Variants in MAML2 observed in about 807,000 individuals in gnomAD.
MAML2 encodes the protein mastermind like transcriptional coactivator 2, also known as mastermind-like protein 2.
A neutral mutation model predicts 96.1 loss-of-function variants in MAML2; 22 were observed. That is an observed-to-expected ratio of 0.23 (90% confidence interval 0.16 to 0.33). MAML2 has a LOEUF of 0.33. MAML2 is among the 10% of genes least tolerant of loss of function. The pLI is 1.00. For missense variants in MAML2, 1,367 were observed against 1,392.4 expected (o/e 0.98, Z 0.29); for synonymous variants, 561 against 521.3 (o/e 1.08, Z -1.04).
At chr11:96,249,513 T>C (rs1337532117) in intron 1 of MAML2, among the ~76,000 whole-genome samples, 1 of 152,112 alleles carries the variant, frequency 6.6e-6, no homozygotes, top group Non-Finnish European at 1.5e-5. Context: ...TCGCCTCTTC[T>C]TTCCTCAGTA....
chr11:96,196,396 C>T (rs911446476), intron 1 of MAML2, among the ~76,000 whole-genome samples: 2 of 152,214 alleles, frequency 1.3e-5, no homozygotes, highest in African/African-American at 4.8e-5. Flanking sequence ...GAACATAAAA[C>T]CCCTCCTCTT....
At chr11:96,075,889 G>A (rs879111579) in intron 2 of MAML2, among the ~76,000 whole-genome samples, 1 of 152,146 alleles carries the variant, frequency 6.6e-6, no homozygotes, top group African/African-American at 2.4e-5. Context: ...CTTGCATATT[G>A]ATTGTATGCT....
chr11:96,332,499 T>C (rs1863867084), intron 1 of MAML2, among the ~76,000 whole-genome samples: 2 of 152,336 alleles, frequency 1.3e-5, no homozygotes, highest in Admixed American at 1.3e-4. Flanking sequence ...TTTGGTGCAA[T>C]GGCTCTAGGA....
chr11:96,112,524 G>C (rs901287129), intron 1 of MAML2, among the ~76,000 whole-genome samples: 1 of 152,256 alleles, frequency 6.6e-6, no homozygotes. Flanking sequence ...TTACACAAAT[G>C]TCACCAGGAG....
Position 96,342,043 on chromosome 11 carries a change from T to G in MAML2, c.-148A>C. 1.4e-5 allele frequency: 10 copies of G among 690,794 alleles called. No homozygotes were observed. The highest frequency in any genetic ancestry group is 3.4e-5 in the Admixed American group (1 of 29,334). The allele number at this position is 690,794 out of a possible 1,614,324, so 42.8% of individuals were successfully genotyped here. ...GTCTTCAGAGGTTGTGGGGGAGCCG[T>G]GGAGAAGTTGTGGGGGAGGGGAGTT... is the stretch of plus-strand genomic sequence containing the variant. On this transcript the variant is annotated 5_prime_UTR_variant, in exon 1 of 5. Transcript: ENST00000524717.
At chr11:95,991,295 GT>G (rs1331519509) in intron 3 of MAML2, among the ~76,000 whole-genome samples, 1 of 152,084 alleles carries the variant, frequency 6.6e-6, no homozygotes. Flanking sequence ...GGCAGGGCTG[GT>G]TAGCAGAGGT....
chr11:96,133,890 A>T (rs957015157), intron 1 of MAML2, among the ~76,000 whole-genome samples: 1 of 152,130 alleles, frequency 6.6e-6, no homozygotes, highest in Admixed American at 6.5e-5. Context: ...GCTACTCAAG[A>T]GGCTGAGGTG....
intron 1 of MAML2, among the ~76,000 whole-genome samples, chr11:96,294,322 A>G (rs1451446308): frequency 6.6e-6 from 1 of 152,194 alleles, no homozygotes; most frequent in African/African-American, 2.4e-5. Flanking sequence ...CATTGTAAAA[A>G]AAAAAAAAAT....
At position 96,130,325 on chromosome 11, in the gene MAML2, G is replaced by A. The variant is rs374910574; in HGVS notation, c.514-36808C>T. ...CATTTTTCTAGTGAAATCATAACAT[G>A]GTTCAGAAACTCAAGAAGGATATGT... On this transcript the variant is annotated intron_variant, in intron 1 of 4. Transcript: ENST00000524717. Among the ~76,000 whole-genome samples the A allele has an allele frequency of 2.6e-5, 4 of 152,210 alleles. No homozygotes were observed. In the South Asian group the frequency reaches 6.2e-4, roughly 24 times the overall value.
In MAML2 at chr11:95,978,616, C is replaced by G. The variant is rs1041067040; in HGVS notation, c.*332G>C. The G allele has an allele frequency of 7.1e-6, 2 of 281,580 alleles. No homozygotes were observed. Among genetic ancestry groups the G allele is most frequent in the African/African-American group, 4.3e-5 (2 of 46,172 alleles). 17.4% of individuals were successfully genotyped at this position (281,580 alleles called of 1,614,324 possible). On this transcript the variant is annotated 3_prime_UTR_variant, in exon 5 of 5. Coordinates refer to ENST00000524717, the MANE Select transcript of MAML2 (RefSeq NM_032427.4). Reference sequence around the variant, plus strand: ...TTAAATAAACTACAAGTTCTATTACCTTTTTTATTTTCCAGGGAAAAAGAA... The same window carrying G: ...TTAAATAAACTACAAGTTCTATTACGTTTTTTATTTTCCAGGGAAAAAGAA...
chr11:96,239,430 C>T (rs1862403899), intron 1 of MAML2, among the ~76,000 whole-genome samples: 2 of 152,128 alleles, frequency 1.3e-5, no homozygotes, highest in Non-Finnish European at 2.9e-5. Context: ...CTATTTTCGT[C>T]AATTTCAGAG....
chr11:96,058,544 C>T (rs1044048309), intron 2 of MAML2, among the ~76,000 whole-genome samples: 2 of 152,242 alleles, frequency 1.3e-5, no homozygotes, highest in African/African-American at 4.8e-5. Context: ...TGGTCTCGAA[C>T]TCCTGACCTC....
At chr11:96,239,902 G>A (rs1473031514) in intron 1 of MAML2, among the ~76,000 whole-genome samples, 1 of 152,212 alleles carries the variant, frequency 6.6e-6, no homozygotes, top group Non-Finnish European at 1.5e-5. Flanking sequence ...TAACATTTCT[G>A]AGCTGGACTA....
intron 1 of MAML2, among the ~76,000 whole-genome samples, chr11:96,298,201 C>A (rs1325814560): frequency 6.6e-6 from 1 of 152,196 alleles, no homozygotes; most frequent in Non-Finnish European, 1.5e-5. Flanking sequence ...TTGCAGCTAT[C>A]CACGGTAAGG....
Position 96,342,110 on chromosome 11 carries a change from G to A in MAML2, c.-215C>T, listed in dbSNP as rs1864005717. On this transcript the variant is annotated 5_prime_UTR_variant, in exon 1 of 5. Transcript: ENST00000524717. Reference sequence around the variant, plus strand: ...GGAGAAAGAATAGAAACCAACTGGGGGGAGGATAAGTTGGAAACAAACCCT... The same window carrying A: ...GGAGAAAGAATAGAAACCAACTGGGAGGAGGATAAGTTGGAAACAAACCCT... 1.8e-6 allele frequency: 1 copy of A among 552,500 alleles called. No individual in the cohort carries two copies. 34.2% of individuals were successfully genotyped at this position (552,500 alleles called of 1,614,324 possible). A position where few individuals can be genotyped will look rare whatever the true frequency, so the allele number is the denominator to read the frequency against.
At chr11:96,080,045 A>G (rs1454735238) in intron 2 of MAML2, among the ~76,000 whole-genome samples, 1 of 152,218 alleles carries the variant, frequency 6.6e-6, no homozygotes, top group African/African-American at 2.4e-5. Context: ...AGTTAGGTAT[A>G]TGACCCCTGG....
At chr11:96,332,058 G>C (rs1863861511) in intron 1 of MAML2, among the ~76,000 whole-genome samples, 1 of 152,160 alleles carries the variant, frequency 6.6e-6, no homozygotes, top group Non-Finnish European at 1.5e-5. Flanking sequence ...GGGAGGCAGT[G>C]AGCAATCAGA....
At chr11:96,156,120 C>T (rs1442487731) in intron 1 of MAML2, among the ~76,000 whole-genome samples, 1 of 152,186 alleles carries the variant, frequency 6.6e-6, no homozygotes, top group African/African-American at 2.4e-5. Context: ...TGCTTCGCCT[C>T]CGTAACCCAG....
intron 3 of MAML2, among the ~76,000 whole-genome samples, chr11:95,987,111 T>C (rs7120279): frequency 0.34 from 50,954 of 151,940 alleles, 10,459 homozygotes; most frequent in African/African-American, 0.57. Context: ...TTGTTCTAGA[T>C]TGGAAGCTGT....
Sources: gnomAD v4.1 joint callset for allele counts (sites outside exome capture counted in the v4.1 genomes callset) on GRCh38, gnomAD v4.1.1 for gene constraint, MANE v1.5 for transcripts, NCBI Gene and HGNC (gene_info 2026-07-23, HGNC 2026-07-21) for gene names.